The following DDX39A variants were observed in gnomAD, a reference collection of about 807,000 sequenced individuals.
DDX39A encodes DExD-box helicase 39A.
Under a neutral mutation model 46.3 loss-of-function variants are expected in DDX39A, and 13 were observed. The ratio of observed to expected loss-of-function variants is 0.28; its 90% CI spans 0.18 to 0.45. The LOEUF is 0.45. DDX39A is among the 20% of genes least tolerant of loss of function. The pLI, the probability that DDX39A is intolerant of heterozygous loss-of-function variation, is 1.00. For missense variants in DDX39A, 352 were observed against 581.8 expected (o/e 0.61, Z 4.06); for synonymous variants, 234 against 224.6 (o/e 1.04, Z -0.38).
In DDX39A at chr19:14,412,860, C is replaced by A; in HGVS notation, c.208+153G>T. The A allele has an allele frequency of 8.0e-7, 1 of 1,245,102 alleles. No homozygotes were observed. The highest frequency in any genetic ancestry group is 1.1e-6 in the Non-Finnish European group (1 of 908,542). The allele number at this position is 1,245,102 out of a possible 1,614,324, so 77.1% of individuals were successfully genotyped here. A position where few individuals can be genotyped will look rare whatever the true frequency, so the allele number is the denominator to read the frequency against. ...AAGCAGAACGCCCCACTGCCGAGGG[C>A]AGCCACAGGCCCCGCTGGGCACAAC... On this transcript the variant is annotated intron_variant, in intron 2 of 10. Coordinates refer to ENST00000242776, the MANE Select transcript of DDX39A (RefSeq NM_005804.4). The surrounding 1 kb of genome is among the most constrained non-coding windows in gnomAD (Gnocchi z 4.4).
chr19:14,411,104 A>C lies in DDX39A; in HGVS notation c.498T>G (p.His166Gln). The change falls in exon 5 of 11, where the codon CAT (histidine) becomes CAG (glutamine). Residue 166 changes from histidine (H) to glutamine (Q), a missense_variant. Physicochemically the swap from His to Gln is conservative, Grantham distance 24. Around this residue, in one of 3 missense-constraint regions of DDX39A, gnomAD observed 301 missense variants for 469.9 expected, o/e 0.64. Coordinates refer to ENST00000242776, the MANE Select transcript of DDX39A (RefSeq NM_005804.4). The surrounding 1 kb of genome is among the most constrained non-coding windows in gnomAD (Gnocchi z 4.1). The part of the protein sequence containing the change: ...DEEVLKKNCP[H>Q]VVVGTPGRIL... The stretch of plus-strand genomic sequence containing the variant: ...TGCGGCCCGGGGTCCCCACCACGAC[A>C]TGGGGACAGTTCTTCTTCAACACTT... 1 of 1,611,654 alleles carries C rather than the reference A, an allele frequency of 6.2e-7. No individual in the cohort carries two copies. Among genetic ancestry groups the C allele is most frequent in the Non-Finnish European group, 8.5e-7 (1 of 1,179,048 alleles).
At position 14,413,071 on chromosome 19, in the gene DDX39A, C is replaced by T; in HGVS notation, c.150G>A (p.Leu50=). ...TGGCCCGCAGGAGCTCCGGCTTCAG[C>T]AGAAAGTCCCGGAAGCCAGAGCTGT... ...SIHSSGFRDF[L]LKPELLRAIV... The change falls in exon 2 of 11, where the codon CTG becomes CTA. Residue 50 remains leucine, a synonymous_variant. Coordinates refer to ENST00000242776, the MANE Select transcript of DDX39A (RefSeq NM_005804.4). 5 of 1,614,200 alleles carry T rather than the reference C, an allele frequency of 3.1e-6. No homozygotes were observed. The highest frequency in any genetic ancestry group is 2.7e-5 in the African/African-American group (2 of 75,040).
Position 14,410,403 on chromosome 19 carries a change from A to G in DDX39A, c.614-69T>C, listed in dbSNP as rs1464250188. ...ATGCAGGACCCCCACCCCAGACCAG[A>G]CCCAGACCCCTCCCAACCTGTGCCA... is the stretch of plus-strand genomic sequence containing the variant. On this transcript the variant is annotated intron_variant, in intron 5 of 10. Coordinates refer to ENST00000242776, the MANE Select transcript of DDX39A (RefSeq NM_005804.4). The surrounding 1 kb of genome is among the most constrained non-coding windows in gnomAD (Gnocchi z 4.3). The G allele has an allele frequency of 7.3e-7, 1 of 1,378,382 alleles. No individual in the cohort carries two copies. Among genetic ancestry groups the G allele is most frequent in the African/African-American group, 1.4e-5 (1 of 70,356 alleles). The allele number at this position is 1,378,382 out of a possible 1,614,324, so 85.4% of individuals were successfully genotyped here.
At position 14,410,433 on chromosome 19, in the gene DDX39A, G is replaced by A. The variant is rs890141043; in HGVS notation, c.614-99C>T. 5.7e-6 allele frequency: 6 copies of A among 1,051,308 alleles called. No homozygotes were observed. The African/African-American group carries it at 7.8e-5, about 14-fold the overall frequency. 65.1% of individuals were successfully genotyped at this position (1,051,308 alleles called of 1,614,324 possible). A position where few individuals can be genotyped will look rare whatever the true frequency, so the allele number is the denominator to read the frequency against. ...GACCCCTCCCAACCTGTGCCAGGGA[G>A]CCAGTGGCACCGTGACGAGGGCAGA... is the stretch of plus-strand genomic sequence containing the variant. On this transcript the variant is annotated intron_variant, in intron 5 of 10. Coordinates refer to ENST00000242776, the MANE Select transcript of DDX39A (RefSeq NM_005804.4). This position sits in a 1 kb window ranked among gnomAD's most constrained non-coding sequence, Gnocchi z 4.3.
Position 14,409,468 on chromosome 19 carries a change from G to A in DDX39A, c.975-21C>T, listed in dbSNP as rs1976462524. 4 of 1,613,272 alleles carry A rather than the reference G, an allele frequency of 2.5e-6. No homozygotes were observed. In the African/African-American group the frequency reaches 4.0e-5, roughly 16 times the overall value. Reference sequence around the variant, plus strand: ...ACAGGCTGGGGTGCAGGAGAAACAAGTGGAGGCCGTCAGACACTGGGCTCC... The same window carrying A: ...ACAGGCTGGGGTGCAGGAGAAACAAATGGAGGCCGTCAGACACTGGGCTCC... On this transcript the variant is annotated intron_variant, in intron 8 of 10. Coordinates refer to ENST00000242776, the MANE Select transcript of DDX39A (RefSeq NM_005804.4). The surrounding 1 kb of genome is among the most constrained non-coding windows in gnomAD (Gnocchi z 8.3).
Position 14,413,078 on chromosome 19 carries a change from T to C in DDX39A, c.143A>G (p.Asp48Gly). The part of the protein sequence containing the change: ...YVSIHSSGFR[D>G]FLLKPELLRA... The stretch of plus-strand genomic sequence containing the variant: ...CAGGAGCTCCGGCTTCAGCAGAAAG[T>C]CCCGGAAGCCAGAGCTGTGGATGGA... Residue 48 changes from aspartate (D) to glycine (G), a missense_variant, in exon 2 of 11, where the codon GAC (aspartate) becomes GGC (glycine). Transcript: ENST00000242776. The C allele has an allele frequency of 6.2e-7, 1 of 1,614,094 alleles. No individual in the cohort carries two copies. The highest frequency in any genetic ancestry group is 8.5e-7 in the Non-Finnish European group (1 of 1,180,004).
intron 1 of DDX39A, among the ~76,000 whole-genome samples, chr19:14,417,202 G>A (rs1040732363): frequency 3.9e-5 from 6 of 152,078 alleles, no homozygotes; most frequent in African/African-American, 1.4e-4. Flanking sequence ...CAAAAGACAG[G>A]AACATCCCCT....
In DDX39A at chr19:14,413,071, C is replaced by G. The variant is rs1371997456; in HGVS notation, c.150G>C (p.Leu50=). Reference sequence around the variant, plus strand: ...TGGCCCGCAGGAGCTCCGGCTTCAGCAGAAAGTCCCGGAAGCCAGAGCTGT... The same window carrying G: ...TGGCCCGCAGGAGCTCCGGCTTCAGGAGAAAGTCCCGGAAGCCAGAGCTGT... ...SIHSSGFRDF[L]LKPELLRAIV... is the part of the protein sequence containing the mutation. Residue 50 remains leucine, a synonymous_variant, in exon 2 of 11, where the codon CTG becomes CTC. Transcript: ENST00000242776. 1 of 1,614,082 alleles carries G rather than the reference C, an allele frequency of 6.2e-7. No homozygotes were observed. The highest frequency in any genetic ancestry group is 8.5e-7 in the Non-Finnish European group (1 of 1,180,048).
chr19:14,409,362 G>A lies in DDX39A; in HGVS notation c.1060C>T (p.Arg354Ter), dbSNP rs1398847885. Residue 354 changes from arginine (R) to a stop codon, truncating the protein, a stop_gained, in exon 9 of 11, where the codon CGA becomes TGA. Transcript: ENST00000242776. LOFTEE classifies it high-confidence loss of function. This position sits in a 1 kb window ranked among gnomAD's most constrained non-coding sequence, Gnocchi z 8.3. ...NLFGRGMDIE[R>*]VNIVFNYDMP... Reference sequence around the variant, plus strand: ...TCGTAGTTAAAGACGATGTTGACTCGCTCGATGTCCATCCCCCGGCCAAAC... The same window carrying A: ...TCGTAGTTAAAGACGATGTTGACTCACTCGATGTCCATCCCCCGGCCAAAC... 1.2e-6 allele frequency: 2 copies of A among 1,614,170 alleles called. No individual in the cohort carries two copies. The highest frequency in any genetic ancestry group is 8.5e-7 in the Non-Finnish European group (1 of 1,180,040).
chr19:14,416,211 A>G (rs1218952354), intron 1 of DDX39A: 1 of 152,138 alleles, frequency 6.6e-6, no homozygotes, highest in East Asian at 1.9e-4. Context: ...CTATACTCAT[A>G]CCTCATCTCC....
intron 1 of DDX39A, chr19:14,418,868 G>A (rs1976928310): frequency 4.4e-6 from 2 of 455,676 alleles, no homozygotes; most frequent in Non-Finnish European, 8.8e-6. Context: ...CGGACCCAAA[G>A]AAACCCCTGA....
In DDX39A at chr19:14,417,749, C is replaced by A. The variant is rs146489588; in HGVS notation, c.-5+1521G>T. ...GTGTGGTGGCATGGGCCTGTAGTCCCAGCTACTTGGGAGGCTGTGCCGGGA... is the reference window on the plus strand; with the variant it reads ...GTGTGGTGGCATGGGCCTGTAGTCCAAGCTACTTGGGAGGCTGTGCCGGGA... On this transcript the variant is annotated intron_variant, in intron 1 of 10. Coordinates refer to ENST00000242776, the MANE Select transcript of DDX39A (RefSeq NM_005804.4). Among the ~76,000 whole-genome samples the A allele has an allele frequency of 7.3e-3, 1,114 of 152,248 alleles. 12 individuals are homozygous for A. Among genetic ancestry groups the A allele is most frequent in the African/African-American group, 0.025 (1,052 of 41,548 alleles).
rs190354922 is a variant in DDX39A at position 14,411,799 on chromosome 19, T to C, written c.337-201A>G. Reference sequence around the variant, plus strand: ...ACCCTCCCACAGCTATTGAAACCTGTCTCCCAACACCAGGACCCACAATAA... The same window carrying C: ...ACCCTCCCACAGCTATTGAAACCTGCCTCCCAACACCAGGACCCACAATAA... On this transcript the variant is annotated intron_variant, in intron 3 of 10. Transcript: ENST00000242776. This position sits in a 1 kb window ranked among gnomAD's most constrained non-coding sequence, Gnocchi z 4.1. Among the ~76,000 whole-genome samples the C allele has an allele frequency of 6.7e-4, 101 of 151,750 alleles. 1 individual carries two copies. The highest frequency in any genetic ancestry group is 2.4e-3 in the African/African-American group (101 of 41,318).
Position 14,410,170 on chromosome 19 carries a change from C to T in DDX39A, c.732+46G>A. On this transcript the variant is annotated intron_variant, in intron 6 of 10. Transcript: ENST00000242776. The surrounding 1 kb of genome is among the most constrained non-coding windows in gnomAD (Gnocchi z 4.3). ...TGCGGGTGTCCTGGGGCCCCAGGCT[C>T]CAGGCCCCTGGGGAAGGCCAAAGCT... The T allele has an allele frequency of 6.4e-7, 1 of 1,573,652 alleles. No homozygotes were observed. The highest frequency in any genetic ancestry group is 8.7e-7 in the Non-Finnish European group (1 of 1,144,680).
rs559487824 is a variant in DDX39A, at chr19:14,412,254, G to A, written c.336+297C>T. On this transcript the variant is annotated intron_variant, in intron 3 of 10. Coordinates refer to ENST00000242776, the MANE Select transcript of DDX39A (RefSeq NM_005804.4). This position sits in a 1 kb window ranked among gnomAD's most constrained non-coding sequence, Gnocchi z 4.4. Reference sequence around the variant, plus strand: ...GTAAGTGGCACGGCAAAACAGCAACGATGCCTCTGGGGCAAGGGGCAAACT... The same window carrying A: ...GTAAGTGGCACGGCAAAACAGCAACAATGCCTCTGGGGCAAGGGGCAAACT... The A allele has an allele frequency of 2.3e-5, 8 of 349,512 alleles. No homozygotes were observed. In the East Asian group the frequency reaches 3.7e-4, roughly 16 times the overall value. The allele number at this position is 349,512 out of a possible 1,614,324, so 21.7% of individuals were successfully genotyped here. A position where few individuals can be genotyped will look rare whatever the true frequency, so the allele number is the denominator to read the frequency against.
At chr19:14,415,064 G>T (rs568354182) in intron 1 of DDX39A, among the ~76,000 whole-genome samples, 1 of 151,922 alleles carries the variant, frequency 6.6e-6, no homozygotes, top group Non-Finnish European at 1.5e-5. Context: ...TACCACATGT[G>T]CAATTTTAGA....
intron 1 of DDX39A, among the ~76,000 whole-genome samples, chr19:14,414,325 T>TTTATTATTATTATTA (rs376558858): frequency 3.0e-5 from 4 of 133,518 alleles, no homozygotes; most frequent in Non-Finnish European, 4.8e-5. Context: ...TATCACCTGT[T>TTTATTATTATTATTA]TTATTATTAT....
At position 14,410,034 on chromosome 19, in the gene DDX39A, G is replaced by C; in HGVS notation, c.733-161C>G. Reference sequence around the variant, plus strand: ...GCTCAAAAGCTGGATGTAAGCTCTGGCCCGACTCAGGTGTGGACCAAGCTT... The same window carrying C: ...GCTCAAAAGCTGGATGTAAGCTCTGCCCCGACTCAGGTGTGGACCAAGCTT... On this transcript the variant is annotated intron_variant, in intron 6 of 10. Coordinates refer to ENST00000242776, the MANE Select transcript of DDX39A (RefSeq NM_005804.4). The surrounding 1 kb of genome is among the most constrained non-coding windows in gnomAD (Gnocchi z 4.3). The C allele has an allele frequency of 9.0e-7, 1 of 1,111,288 alleles. No individual in the cohort carries two copies. The highest frequency in any genetic ancestry group is 1.4e-6 in the Non-Finnish European group (1 of 740,340). The allele number at this position is 1,111,288 out of a possible 1,614,324, so 68.8% of individuals were successfully genotyped here. A position where few individuals can be genotyped will look rare whatever the true frequency, so the allele number is the denominator to read the frequency against.
chr19:14,418,142 A>AC (rs1976890560), intron 1 of DDX39A, among the ~76,000 whole-genome samples: 1 of 151,198 alleles, frequency 6.6e-6, no homozygotes. Context: ...AAAAAAAAAA[A>AC]AAAGAGAGAG....
Sources: allele counts gnomAD v4.1 joint callset (sites outside exome capture counted in the v4.1 genomes callset), GRCh38; gene constraint gnomAD v4.1.1; regional missense constraint gnomAD v4.1.1; non-coding constraint Gnocchi (gnomAD v3.1); transcripts MANE v1.5; gene names NCBI Gene and HGNC (gene_info 2026-07-23, HGNC 2026-07-21).